The following CSMD3 variants were observed in gnomAD, a reference collection of about 807,000 sequenced individuals.
CSMD3 encodes CUB and sushi domain-containing protein 3.
CSMD3 carries 177 observed loss-of-function variants against 435.2 expected under a neutral mutation model. The ratio of observed to expected loss-of-function variants is 0.41; its 90% CI spans 0.36 to 0.46. The LOEUF is 0.46. Ranked by LOEUF, CSMD3 falls within the 20% of genes least tolerant of loss-of-function variation. The pLI is 0.34. For missense variants in CSMD3, 4,265 were observed against 4,504.6 expected, an observed-to-expected ratio of 0.95 and a Z score of 1.52; for synonymous variants, 1,656 against 1,520.5, an observed-to-expected ratio of 1.09 and a Z score of -2.07.
At chr8:112,962,211 T>C (rs2084257696) in intron 7 of CSMD3, among the ~76,000 whole-genome samples, 1 of 151,896 alleles carries the variant, frequency 6.6e-6, no homozygotes, top group African/African-American at 2.4e-5. Context: ...TTTTCTTTTC[T>C]TTTGTTTTGT....
At chr8:112,566,586 T>A (rs1829080924) in intron 24 of CSMD3, among the ~76,000 whole-genome samples, 1 of 152,106 alleles carries the variant, frequency 6.6e-6, no homozygotes, top group Non-Finnish European at 1.5e-5. Context: ...TCATTTTCTT[T>A]TCTAACAAAG....
intron 31 of CSMD3, among the ~76,000 whole-genome samples, chr8:112,473,721 ATT>A (rs71309772): frequency 6.5e-4 from 85 of 131,234 alleles, no homozygotes; most frequent in African/African-American, 1.1e-3. Context: ...AGGAAGAGGG[ATT>A]TTTTTTTTTT....
intron 66 of CSMD3, among the ~76,000 whole-genome samples, chr8:112,239,608 G>T (rs185085556): frequency 6.6e-6 from 1 of 152,020 alleles, no homozygotes; most frequent in Admixed American, 6.6e-5. Flanking sequence ...TTCTTTATTT[G>T]CTATAAAATT....
At chr8:113,065,861 A>G (rs181891302) in intron 5 of CSMD3, among the ~76,000 whole-genome samples, 1 of 152,136 alleles carries the variant, frequency 6.6e-6, no homozygotes, top group Non-Finnish European at 1.5e-5. Context: ...TAGAATGTAC[A>G]TGATATATTA....
intron 5 of CSMD3, among the ~76,000 whole-genome samples, chr8:113,093,892 T>G (rs2090083741): frequency 6.6e-6 from 1 of 152,154 alleles, no homozygotes. Context: ...CATGCCATGT[T>G]TTCACTAATA....
intron 1 of CSMD3, among the ~76,000 whole-genome samples, chr8:113,371,023 A>G (rs1010526863): frequency 6.6e-6 from 1 of 152,090 alleles, no homozygotes; most frequent in African/African-American, 2.4e-5. Flanking sequence ...TACCTTCGTT[A>G]TAGGTATGCG....
At chr8:112,486,000 G>A (rs1820091999) in intron 31 of CSMD3, among the ~76,000 whole-genome samples, 1 of 146,420 alleles carries the variant, frequency 6.8e-6, no homozygotes, top group Admixed American at 6.9e-5. Flanking sequence ...CAAAGGTATT[G>A]AAAAGAACAG....
intron 1 of CSMD3, among the ~76,000 whole-genome samples, chr8:113,325,993 A>C (rs2093981144): frequency 6.6e-6 from 1 of 152,236 alleles, no homozygotes; most frequent in Non-Finnish European, 1.5e-5. Context: ...AGACATCTTA[A>C]ATTATAAGAT....
chr8:113,201,524 T>C (rs771153872), intron 3 of CSMD3, among the ~76,000 whole-genome samples: 3 of 152,036 alleles, frequency 2.0e-5, no homozygotes, highest in Non-Finnish European at 4.4e-5. Flanking sequence ...AAGGATACTA[T>C]ATATTATCAG....
intron 13 of CSMD3, among the ~76,000 whole-genome samples, chr8:112,748,318 CATAAT>C (rs2077487459): frequency 6.6e-6 from 1 of 152,126 alleles, no homozygotes; most frequent in Admixed American, 6.6e-5. Context: ...TGAAAACAAT[CATAAT>C]ATAACAAAAC....
At chr8:112,477,934 G>A (rs1429554914) in intron 31 of CSMD3, among the ~76,000 whole-genome samples, 1 of 152,102 alleles carries the variant, frequency 6.6e-6, no homozygotes, top group Non-Finnish European at 1.5e-5. Context: ...GAACCTGGTG[G>A]GAGGTCACTG....
At chr8:112,539,416 T>G (rs1330183718) in intron 27 of CSMD3, 1 of 152,076 alleles carries the variant, frequency 6.6e-6, no homozygotes. Flanking sequence ...TTTTAAAAAT[T>G]CTAAAATTCC....
chr8:112,986,668 A>AT (rs2085265937), intron 6 of CSMD3, among the ~76,000 whole-genome samples: 1 of 152,134 alleles, frequency 6.6e-6, no homozygotes. Context: ...AGATTTACAT[A>AT]TAAAAAAGTC....
intron 59 of CSMD3, among the ~76,000 whole-genome samples, chr8:112,266,434 G>C (rs1816957205): frequency 6.6e-6 from 1 of 152,210 alleles, no homozygotes; most frequent in African/African-American, 2.4e-5. Flanking sequence ...CAACAAGGCA[G>C]ACTGCACATG....
At chr8:113,109,840 C>T (rs1322537724) in intron 4 of CSMD3, among the ~76,000 whole-genome samples, 1 of 152,142 alleles carries the variant, frequency 6.6e-6, no homozygotes. Flanking sequence ...TTCTGAGTTC[C>T]ACAGCTTTCT....
At chr8:112,554,013 T>A (rs1254105608) in intron 25 of CSMD3, among the ~76,000 whole-genome samples, 3 of 151,892 alleles carry the variant, frequency 2.0e-5, no homozygotes, top group Non-Finnish European at 2.9e-5. Flanking sequence ...AGAGCACAAC[T>A]AAGTTTCCTG....
At chr8:112,873,615 C>T (rs558367447) in intron 10 of CSMD3, among the ~76,000 whole-genome samples, 246 of 152,010 alleles carry the variant, frequency 1.6e-3, no homozygotes, top group Non-Finnish European at 2.7e-3. Flanking sequence ...CTACCAAATG[C>T]TCAACAAATG....
At chr8:113,406,951 C>G (rs2094535518) in intron 1 of CSMD3, among the ~76,000 whole-genome samples, 2 of 152,034 alleles carry the variant, frequency 1.3e-5, no homozygotes, top group Non-Finnish European at 2.9e-5. Flanking sequence ...TGATGTAACA[C>G]AATACTCTTC....
intron 13 of CSMD3, among the ~76,000 whole-genome samples, chr8:112,695,101 T>G (rs2076223595): frequency 6.6e-6 from 1 of 152,138 alleles, no homozygotes; most frequent in Admixed American, 6.5e-5. Flanking sequence ...ACTCTAATAC[T>G]GAGCTTTTCC....
Sources: gnomAD v4.1 joint callset for allele counts (sites outside exome capture counted in the v4.1 genomes callset) on GRCh38, gnomAD v4.1.1 for gene constraint, MANE v1.5 for transcripts, NCBI Gene and HGNC (gene_info 2026-07-23, HGNC 2026-07-21) for gene names.